MRTFB: variants seen among roughly 807,000 people sequenced by gnomAD.
MRTFB encodes the protein myocardin-related transcription factor B.
A neutral mutation model predicts 104.2 loss-of-function variants in MRTFB; 29 were observed. That is an observed-to-expected ratio of 0.28 (90% confidence interval 0.21 to 0.38). The LOEUF (loss-of-function observed/expected upper bound fraction) is 0.38. MRTFB is among the 10% of genes least tolerant of loss of function. MRTFB has a pLI of 1.00. For missense variants in MRTFB, 1,270 were observed against 1,341.6 expected (o/e 0.95, Z 0.83); for synonymous variants, 535 against 519.5 (o/e 1.03, Z -0.41).
chr16:14,193,370 C>T (rs184369665), intron 3 of MRTFB, among the ~76,000 whole-genome samples: 382 of 152,074 alleles, frequency 2.5e-3, no homozygotes, highest in Non-Finnish European at 4.5e-3. Flanking sequence ...TTCCAGAAGC[C>T]GCTGGACTTG....
chr16:14,135,450 C>T (rs915646917), intron 2 of MRTFB, among the ~76,000 whole-genome samples: 1 of 152,168 alleles, frequency 6.6e-6, no homozygotes, highest in Non-Finnish European at 1.5e-5. Context: ...AGTAACATGC[C>T]GTACAGGTTT....
chr16:14,229,975 C>T (rs1354339294), intron 8 of MRTFB, among the ~76,000 whole-genome samples: 2 of 151,978 alleles, frequency 1.3e-5, no homozygotes, highest in African/African-American at 4.8e-5. Context: ...ATAGGTTGAA[C>T]TTAGGTCTCG....
chr16:14,000,336 C>A, the MRTFB span, among the ~76,000 whole-genome samples: 409 of 152,322 alleles, frequency 2.7e-3, 6 homozygotes, highest in Non-Finnish European at 3.5e-4. Flanking sequence ...TCTGTCTACA[C>A]CTGCTCTTTC....
At chr16:14,218,678 T>G (rs963514737) in intron 7 of MRTFB, 142 bp from the exon 8 acceptor site, 5 of 722,824 alleles carry the variant, frequency 6.9e-6, no homozygotes, top group Non-Finnish European at 1.1e-5. Flanking sequence ...GGTGTGTTCT[T>G]GCACTGGGAG....
intron 3 of MRTFB, among the ~76,000 whole-genome samples, chr16:14,189,761 C>G (rs1466034911): frequency 6.6e-6 from 1 of 152,140 alleles, no homozygotes; most frequent in Non-Finnish European, 1.5e-5. Context: ...CACATAGACA[C>G]AAGCTTGGGC....
the MRTFB span, among the ~76,000 whole-genome samples, chr16:14,055,674 C>G: frequency 6.6e-6 from 1 of 152,128 alleles, no homozygotes; most frequent in South Asian, 2.1e-4. Flanking sequence ...GGTGAAATGC[C>G]ATTCTCTTTG....
chr16:14,071,567 C>A (rs1443856872), intron 1 of MRTFB, among the ~76,000 whole-genome samples: 1 of 150,822 alleles, frequency 6.6e-6, no homozygotes, highest in South Asian at 2.2e-4. Flanking sequence ...GGCCGCGGGC[C>A]GGTGCCTCCT....
chr16:14,201,053 G>A (rs563363979), intron 3 of MRTFB: 2 of 1,491,470 alleles, frequency 1.3e-6, no homozygotes, highest in African/African-American at 1.4e-5. Flanking sequence ...TTAGAGCTTA[G>A]TCCATGTTGC....
At chr16:14,006,698 C>A in the MRTFB span, among the ~76,000 whole-genome samples, 50 of 149,314 alleles carry the variant, frequency 3.3e-4, no homozygotes, top group South Asian at 0.01. Context: ...TTGTATGTAT[C>A]CATATGCAAC....
chr16:14,242,869 A>G (rs2042835387), intron 10 of MRTFB, among the ~76,000 whole-genome samples: 1 of 152,216 alleles, frequency 6.6e-6, no homozygotes, highest in Non-Finnish European at 1.5e-5. Context: ...TCAACAGGAA[A>G]AAAAAAACAT....
At chr16:14,147,353 T>C (rs1169521926) in intron 3 of MRTFB, among the ~76,000 whole-genome samples, 1 of 152,208 alleles carries the variant, frequency 6.6e-6, no homozygotes, top group Non-Finnish European at 1.5e-5. Context: ...TGAAAATCTC[T>C]TGAACCCTTC....
chr16:14,256,208 A>C (rs974659585), intron 15 of MRTFB, among the ~76,000 whole-genome samples: 53 of 150,914 alleles, frequency 3.5e-4, no homozygotes, highest in Non-Finnish European at 6.0e-4. Context: ...AAAAAAAAAA[A>C]CCCCAGATGG....
At chr16:14,216,841 C>T (rs1015109690) in intron 6 of MRTFB, among the ~76,000 whole-genome samples, 3 of 152,190 alleles carry the variant, frequency 2.0e-5, no homozygotes, top group African/African-American at 7.2e-5. Flanking sequence ...ATTTGACCCT[C>T]CTGCCATAAA....
At chr16:14,086,678 G>A (rs979886195) in intron 2 of MRTFB, among the ~76,000 whole-genome samples, 3 of 151,958 alleles carry the variant, frequency 2.0e-5, no homozygotes, top group Non-Finnish European at 2.9e-5. Flanking sequence ...TTGCTTATAC[G>A]GTAGTTTTCA....
At chr16:14,253,782 GT>G (rs2151441344) in intron 15 of MRTFB, among the ~76,000 whole-genome samples, 1 of 152,318 alleles carries the variant, frequency 6.6e-6, no homozygotes, top group South Asian at 2.1e-4. Context: ...GTAACTTTGA[GT>G]TGTAAGATGT....
intron 3 of MRTFB, among the ~76,000 whole-genome samples, chr16:14,176,319 C>G (rs1454487068): frequency 6.6e-6 from 1 of 152,190 alleles, no homozygotes; most frequent in African/African-American, 2.4e-5. Context: ...ACAGTTCCAG[C>G]TCGCAAAGAT....
chr16:14,112,301 G>A (rs925229195), intron 2 of MRTFB, among the ~76,000 whole-genome samples: 2 of 152,198 alleles, frequency 1.3e-5, no homozygotes, highest in Non-Finnish European at 2.9e-5. Context: ...AGGTAGGTGC[G>A]TGAAACTGGG....
At chr16:14,219,919 G>C (rs2151218845) in intron 8 of MRTFB, among the ~76,000 whole-genome samples, 1 of 152,278 alleles carries the variant, frequency 6.6e-6, no homozygotes, top group Admixed American at 6.5e-5. Flanking sequence ...ACAGGGCTTG[G>C]AACAGAAAAG....
chr16:14,252,692 A>G (rs770451546), intron 15 of MRTFB, among the ~76,000 whole-genome samples, 190 bp downstream of exon 15: 2 of 152,384 alleles, frequency 1.3e-5, no homozygotes, highest in Middle Eastern at 3.4e-3. Flanking sequence ...AACAGCTTTC[A>G]GCAGCAGTAT....
Sources: gnomAD v4.1 joint callset for allele counts (sites outside exome capture counted in the v4.1 genomes callset) on GRCh38, gnomAD v4.1.1 for gene constraint, MANE v1.5 for transcripts, NCBI Gene and HGNC (gene_info 2026-07-23, HGNC 2026-07-21) for gene names.